GRIN2A: variants seen among roughly 807,000 people sequenced by gnomAD.
GRIN2A encodes glutamate ionotropic receptor NMDA type subunit 2A.
In GRIN2A, 22 loss-of-function variants were observed where a neutral mutation model predicts 113.4. The ratio of observed to expected loss-of-function variants is 0.19; its 90% CI spans 0.14 to 0.28. The LOEUF (loss-of-function observed/expected upper bound fraction) is 0.28, where lower values mean the gene tolerates loss of function less well. GRIN2A is among the 10% of genes least tolerant of loss of function. GRIN2A has a pLI of 1.00. For missense variants in GRIN2A, 1,502 were observed against 1,887.0 expected (o/e 0.80, Z 3.78); for synonymous variants, 827 against 738.4 (o/e 1.12, Z -1.94).
intron 2 of GRIN2A, among the ~76,000 whole-genome samples, chr16:10,127,216 G>A (rs2048957837): frequency 6.7e-6 from 1 of 148,370 alleles, no homozygotes; most frequent in South Asian, 2.1e-4. Context: ...TGGCAACAGA[G>A]ATTCAGTCTT....
chr16:10,056,738 G>A lies in GRIN2A; in HGVS notation c.415-118187C>T, dbSNP rs997924531. On this transcript the variant is annotated intron_variant, in intron 2 of 12. Transcript: ENST00000330684. ...ATGATGTACCTACAAGCCAAAGAAC[G>A]CCAAGGGTTGATGGCAACCACCAGA... Among the ~76,000 whole-genome samples the A allele has an allele frequency of 2.0e-4, 31 of 152,118 alleles. 1 individual carries two copies. Among genetic ancestry groups the A allele is most frequent in the Admixed American group, 1.6e-3 (25 of 15,272 alleles).
chr16:9,844,662 T>C (rs187927585), intron 5 of GRIN2A, among the ~76,000 whole-genome samples: 17 of 152,306 alleles, frequency 1.1e-4, no homozygotes, highest in African/African-American at 3.8e-4. Flanking sequence ...AGCACAGCCA[T>C]GCGAGTCAGA....
chr16:9,862,477 T>C (rs555085193), intron 4 of GRIN2A, among the ~76,000 whole-genome samples: 2 of 152,180 alleles, frequency 1.3e-5, no homozygotes, highest in African/African-American at 4.8e-5. Flanking sequence ...GCTTCCATTC[T>C]CCTCTTGAGG....
At chr16:9,857,460 A>G (rs2042989043) in intron 4 of GRIN2A, among the ~76,000 whole-genome samples, 1 of 152,232 alleles carries the variant, frequency 6.6e-6, no homozygotes. Context: ...AGTTTATTCA[A>G]AAACTGTTTT....
chr16:10,024,022 G>A (rs1034274509), intron 2 of GRIN2A, among the ~76,000 whole-genome samples: 28 of 152,128 alleles, frequency 1.8e-4, no homozygotes, highest in Admixed American at 1.3e-3. Flanking sequence ...TGACTCATCC[G>A]AGGTCATATA....
At chr16:9,918,157 G>A (rs1208344417) in intron 3 of GRIN2A, among the ~76,000 whole-genome samples, 1 of 152,192 alleles carries the variant, frequency 6.6e-6, no homozygotes. Context: ...CAAAAATGAA[G>A]CTCAGATATA....
intron 2 of GRIN2A, among the ~76,000 whole-genome samples, chr16:10,115,999 G>A (rs556327239): frequency 4.6e-5 from 7 of 152,196 alleles, no homozygotes; most frequent in African/African-American, 1.4e-4. Context: ...AAACCATTCC[G>A]TCATAAAGAT....
At chr16:10,020,663 C>T (rs1331836360) in intron 2 of GRIN2A, among the ~76,000 whole-genome samples, 1 of 151,968 alleles carries the variant, frequency 6.6e-6, no homozygotes, top group African/African-American at 2.4e-5. Context: ...TTCTCAGCTG[C>T]AAAATGAGGA....
intron 2 of GRIN2A, among the ~76,000 whole-genome samples, chr16:10,035,734 T>G (rs952079518): frequency 6.6e-6 from 1 of 151,642 alleles, no homozygotes; most frequent in Non-Finnish European, 1.5e-5. Flanking sequence ...TTTTTTTTTT[T>G]TTTTTTTGAG....
chr16:9,995,267 C>A (rs991716035), intron 2 of GRIN2A, among the ~76,000 whole-genome samples: 3 of 152,116 alleles, frequency 2.0e-5, no homozygotes, highest in African/African-American at 7.2e-5. Flanking sequence ...CTAAGCCCAT[C>A]TAAGACACAA....
rs146631800 is a variant in GRIN2A, at chr16:10,100,705, G to T, written c.414+79293C>A. Among the ~76,000 whole-genome samples, 346 of 152,286 alleles carry T rather than the reference G, an allele frequency of 2.3e-3. 2 individuals are homozygous for T. Among genetic ancestry groups the T allele is most frequent in the Middle Eastern group, 0.014 (4 of 294 alleles). Reference sequence around the variant, plus strand: ...CTGTGCAGCTTTATGTTATTTGAAGGCATAGTGCCCCCCTGCTGGATTCAC... The same window carrying T: ...CTGTGCAGCTTTATGTTATTTGAAGTCATAGTGCCCCCCTGCTGGATTCAC... On this transcript the variant is annotated intron_variant, in intron 2 of 12. Transcript: ENST00000330684.
intron 2 of GRIN2A, among the ~76,000 whole-genome samples, chr16:9,989,008 C>T (rs1483064317): frequency 1.3e-5 from 2 of 152,142 alleles, no homozygotes; most frequent in South Asian, 2.1e-4. Context: ...TGATACGTGA[C>T]CTGATAAGAC....
chr16:9,964,013 T>C (rs1567203701), intron 2 of GRIN2A, among the ~76,000 whole-genome samples: 2 of 152,326 alleles, frequency 1.3e-5, no homozygotes, highest in East Asian at 3.9e-4. Context: ...TGATAGGGCA[T>C]GTGGTGTCTT....
chr16:10,153,386 C>T (rs375234326), intron 2 of GRIN2A, among the ~76,000 whole-genome samples: 23 of 152,188 alleles, frequency 1.5e-4, no homozygotes, highest in Admixed American at 1.2e-3. Context: ...GCTGGGGGGA[C>T]TCTACGAAGG....
chr16:10,144,954 A>G (rs2049407788), intron 2 of GRIN2A, among the ~76,000 whole-genome samples: 1 of 149,280 alleles, frequency 6.7e-6, no homozygotes, highest in Non-Finnish European at 1.5e-5. Context: ...AGATGAATGA[A>G]TAAAGAAAAT....
intron 2 of GRIN2A, among the ~76,000 whole-genome samples, chr16:9,972,718 T>C (rs977787005): frequency 1.3e-5 from 2 of 152,186 alleles, no homozygotes; most frequent in African/African-American, 4.8e-5. Context: ...AGAGGGGCTT[T>C]TATAAATTGA....
At chr16:9,925,828 CA>C (rs1179988881) in intron 3 of GRIN2A, among the ~76,000 whole-genome samples, 1 of 152,172 alleles carries the variant, frequency 6.6e-6, no homozygotes, top group Non-Finnish European at 1.5e-5. Flanking sequence ...ATCTCTCAAA[CA>C]TATCTCCAAG....
At chr16:10,054,129 T>C (rs1266927894) in intron 2 of GRIN2A, among the ~76,000 whole-genome samples, 1 of 151,802 alleles carries the variant, frequency 6.6e-6, no homozygotes, top group Non-Finnish European at 1.5e-5. Context: ...AAGGAAAATA[T>C]CCTACGTGGA....
chr16:9,816,182 G>A (rs2042182022), intron 10 of GRIN2A, among the ~76,000 whole-genome samples: 1 of 152,140 alleles, frequency 6.6e-6, no homozygotes, highest in Non-Finnish European at 1.5e-5. Flanking sequence ...GGAGACAGAT[G>A]GTGGTAATGG....
Sources: allele counts gnomAD v4.1 joint callset (sites outside exome capture counted in the v4.1 genomes callset), GRCh38; gene constraint gnomAD v4.1.1; transcripts MANE v1.5; gene names NCBI Gene and HGNC (gene_info 2026-07-23, HGNC 2026-07-21).